The following DCST2 variants were observed in gnomAD, a reference collection of about 807,000 sequenced individuals.
DCST2 encodes DC-STAMP domain containing 2, also known as DC-STAMP domain-containing protein 2.
In DCST2, 64 loss-of-function variants were observed where a neutral mutation model predicts 81.8. The observed-to-expected ratio is 0.78, with a 90% CI of 0.64 to 0.96. The LOEUF (loss-of-function observed/expected upper bound fraction) is 0.96, where lower values mean the gene tolerates loss of function less well. DCST2 is among the 40% of genes least tolerant of loss of function. The pLI, the probability that DCST2 is intolerant of heterozygous loss-of-function variation, is 0.00. For synonymous variants in DCST2, 354 were observed against 402.6 expected, an observed-to-expected ratio of 0.88 and a Z score of 1.44; for missense variants, 945 against 1,001.4, an observed-to-expected ratio of 0.94 and a Z score of 0.76.
At chr1:155,019,178 G>C (rs1659669468) in intron 14 of DCST2, among the ~76,000 whole-genome samples, 1 of 152,222 alleles carries the variant, frequency 6.6e-6, no homozygotes, top group African/African-American at 2.4e-5. Flanking sequence ...CCACTGGACA[G>C]TTTTCTTTGC....
At chr1:155,029,139 AGAG>A (rs1571549141) in intron 8 of DCST2, 91 bp downstream of exon 8, 1 of 1,445,858 alleles carries the variant, frequency 6.9e-7, no homozygotes, top group South Asian at 1.3e-5. Flanking sequence ...GAGGATGGGA[AGAG>A]GAGAAGGCTT....
intron 5 of DCST2, 88 bp from the exon 6 acceptor site, chr1:155,030,733 G>C (rs1476673643): frequency 6.9e-7 from 1 of 1,443,936 alleles, no homozygotes; most frequent in Non-Finnish European, 9.5e-7. Context: ...GCACAGCCCA[G>C]GGGGCGCAGC....
chr1:155,018,870 G>C lies in DCST2; in HGVS notation c.2106-110C>G. 6 of 1,104,866 alleles carry C rather than the reference G, an allele frequency of 5.4e-6. No individual in the cohort carries two copies. The South Asian group carries it at 5.8e-5, about 11-fold the overall frequency. 68.4% of individuals were successfully genotyped at this position (1,104,866 alleles called of 1,614,324 possible). On this transcript the variant is annotated intron_variant, in intron 14 of 14. Coordinates refer to ENST00000368424, the MANE Select transcript of DCST2 (RefSeq NM_144622.3). ...TTCAGATCCAGCTCCTGTTCTTTCT[G>C]AGCAACTCCTGCTCTCTCAGGCCCA...
chr1:155,029,428 C>A, intron 7 of DCST2, 31 bp from the exon 8 acceptor site: 1 of 1,602,984 alleles, frequency 6.2e-7, no homozygotes, highest in Non-Finnish European at 8.5e-7. Flanking sequence ...CAGGAGGATG[C>A]TCCCCAGTTC....
At chr1:155,021,160 C>T (rs1659745335) in intron 14 of DCST2, among the ~76,000 whole-genome samples, 1 of 151,996 alleles carries the variant, frequency 6.6e-6, no homozygotes, top group African/African-American at 2.4e-5. Context: ...GCCACCACTC[C>T]TGGCTAATTT....
chr1:155,021,643 C>T (rs1335610914), intron 14 of DCST2, among the ~76,000 whole-genome samples: 3 of 151,944 alleles, frequency 2.0e-5, no homozygotes, highest in Non-Finnish European at 4.4e-5. Flanking sequence ...CAGCTGGATG[C>T]CCTACAGACA....
At chr1:155,031,533 C>CCA in intron 4 of DCST2, 41 bp downstream of exon 4, 101 of 1,556,374 alleles carry the variant, frequency 6.5e-5, no homozygotes, top group Middle Eastern at 1.8e-4. Context: ...CACCCCACCC[C>CCA]ACATCGGCTC....
At position 155,031,039 on chromosome 1, in the gene DCST2, C is replaced by G. The variant is rs1263508583; in HGVS notation, c.805+130G>C. 3.0e-6 allele frequency: 3 copies of G among 1,012,238 alleles called. No individual in the cohort carries two copies. The African/African-American group carries it at 4.9e-5, about 17-fold the overall frequency. 62.7% of individuals were successfully genotyped at this position (1,012,238 alleles called of 1,614,324 possible). A position where few individuals can be genotyped will look rare whatever the true frequency, so the allele number is the denominator to read the frequency against. On this transcript the variant is annotated intron_variant, in intron 5 of 14. Transcript: ENST00000368424. ...GCATGGATATGGGCCTGGGTGATCACTTGAGCCCCTTTCTTTCTCTTACAT... is the reference window on the plus strand; with the variant it reads ...GCATGGATATGGGCCTGGGTGATCAGTTGAGCCCCTTTCTTTCTCTTACAT...
chr1:155,024,642 T>G, intron 10 of DCST2, 40 bp from the exon 11 acceptor site: 1 of 1,542,238 alleles, frequency 6.5e-7, no homozygotes, highest in Non-Finnish European at 8.8e-7. Context: ...CACTTGACCC[T>G]GTTTTGTCTG....
chr1:155,028,900 G>C (rs927482713), intron 8 of DCST2, among the ~76,000 whole-genome samples: 2 of 149,764 alleles, frequency 1.3e-5, no homozygotes, highest in Non-Finnish European at 3.0e-5. Flanking sequence ...GGAAACTGAA[G>C]CTGAAGAGGT....
chr1:155,019,625 G>A (rs1023768894), intron 14 of DCST2, among the ~76,000 whole-genome samples: 1 of 152,140 alleles, frequency 6.6e-6, no homozygotes, highest in Non-Finnish European at 1.5e-5. Context: ...CTGCCCCCAG[G>A]GGCCTTAGCC....
At chr1:155,021,237 G>A (rs1251815419) in intron 14 of DCST2, among the ~76,000 whole-genome samples, 1 of 151,910 alleles carries the variant, frequency 6.6e-6, no homozygotes, top group Admixed American at 6.6e-5. Context: ...CTGACCTTAA[G>A]TGGTCCTCCC....
At position 155,033,251 on chromosome 1, in the gene DCST2, T is replaced by C; in HGVS notation, c.282A>G (p.Thr94=). 2.5e-6 allele frequency: 4 copies of C among 1,611,176 alleles called. No individual in the cohort carries two copies. Among genetic ancestry groups the C allele is most frequent in the Non-Finnish European group, 3.4e-6 (4 of 1,178,856 alleles). Residue 94 remains threonine (T), a synonymous_variant, in exon 2 of 15, where the codon ACA becomes ACG. Coordinates refer to ENST00000368424, the MANE Select transcript of DCST2 (RefSeq NM_144622.3). The part of the protein sequence containing the change: ...LPQAFSRQGR[T]LLLVAAFGLV... ...ACCCAAAAGCAGCCACCAACAGTAG[T>C]GTCCGGCCCTGCCCTGGGGGCGACA...
chr1:155,019,757 C>A (rs1200650054), intron 14 of DCST2, among the ~76,000 whole-genome samples: 1 of 106,486 alleles, frequency 9.4e-6, no homozygotes, highest in Non-Finnish European at 2.0e-5. Context: ...ATGGCTACCA[C>A]ATTTGCCAGA....
intron 10 of DCST2, 38 bp downstream of exon 10, chr1:155,026,264 A>G: frequency 2.5e-6 from 4 of 1,604,120 alleles, no homozygotes; most frequent in Non-Finnish European, 3.4e-6. Context: ...CCCCCTGGGG[A>G]GGGGGCAGGG....
Position 155,023,267 on chromosome 1 carries a change from A to G in DCST2, c.1965-10T>C. The G allele has an allele frequency of 6.2e-7, 1 of 1,613,760 alleles. No individual in the cohort carries two copies. Among genetic ancestry groups the G allele is most frequent in the Non-Finnish European group, 8.5e-7 (1 of 1,179,894 alleles). ...CTCATCGCTGGAGTCCCTGGAGAAG[A>G]CTCTCATCTCAGTGGCCTGCAGACA... On this transcript the variant is annotated splice_polypyrimidine_tract_variant and intron_variant, in intron 13 of 14. Coordinates refer to ENST00000368424, the MANE Select transcript of DCST2 (RefSeq NM_144622.3).
At chr1:155,029,654 T>C (rs1402800562) in intron 7 of DCST2, among the ~76,000 whole-genome samples, 3 of 151,984 alleles carry the variant, frequency 2.0e-5, no homozygotes. Flanking sequence ...TAAGGAGCCC[T>C]CCCTCCTAGG....
intron 14 of DCST2, 53 bp from the exon 15 acceptor site, chr1:155,018,813 G>T: frequency 6.5e-7 from 1 of 1,541,944 alleles, no homozygotes; most frequent in Non-Finnish European, 8.8e-7. Context: ...GTCTTCACAG[G>T]TGCATCCCTG....
At chr1:155,022,709 G>C (rs1356720910) in intron 14 of DCST2, among the ~76,000 whole-genome samples, 1 of 152,184 alleles carries the variant, frequency 6.6e-6, no homozygotes, top group African/African-American at 2.4e-5. Context: ...TTGCACCACT[G>C]CATTCCAGCC....
Sources: gnomAD v4.1 joint callset for allele counts (sites outside exome capture counted in the v4.1 genomes callset) on GRCh38, gnomAD v4.1.1 for gene constraint, MANE v1.5 for transcripts, NCBI Gene and HGNC (gene_info 2026-07-23, HGNC 2026-07-21) for gene names.